NIPA1: variants seen among roughly 807,000 people sequenced by gnomAD.
The protein encoded by NIPA1 is NIPA magnesium transporter 1, also known as magnesium transporter NIPA1.
NIPA1 carries 13 observed loss-of-function variants against 23.9 expected under a neutral mutation model. The observed-to-expected ratio is 0.54, with a 90% CI of 0.35 to 0.87. The LOEUF (loss-of-function observed/expected upper bound fraction) is 0.87, where lower values mean the gene tolerates loss of function less well. Ranked by LOEUF, NIPA1 falls within the 40% of genes least tolerant of loss-of-function variation. NIPA1 has a pLI of 0.01. For synonymous variants in NIPA1, 234 were observed against 202.9 expected (o/e 1.15, Z -1.30); for missense variants, 362 against 429.7 (o/e 0.84, Z 1.39).
intron 1 of NIPA1, among the ~76,000 whole-genome samples, chr15:22,797,020 G>A (rs373986139): frequency 1.3e-5 from 2 of 151,814 alleles, no homozygotes; most frequent in Admixed American, 1.3e-4. Context: ...ACCTGGAGGT[G>A]GCTGCTATTA....
intron 1 of NIPA1, among the ~76,000 whole-genome samples, chr15:22,789,856 G>T (rs139793252): frequency 2.3e-3 from 351 of 152,132 alleles, no homozygotes; most frequent in Middle Eastern, 6.8e-3. Flanking sequence ...GTGCAGTGGC[G>T]CGATCTTGGC....
At position 22,812,888 on chromosome 15, in the gene NIPA1, A is replaced by G. The variant is rs1445435934; in HGVS notation, c.317+635A>G. ...TGACACCTTGGCAAGTTATTCTGAG[A>G]ACTCATTAAGCAAAATGACTGAGTT... On this transcript the variant is annotated intron_variant, in intron 3 of 4. Transcript: ENST00000337435. Among the ~76,000 whole-genome samples, 6 of 152,250 alleles carry G rather than the reference A, an allele frequency of 3.9e-5. 1 individual carries two copies. The highest frequency in any genetic ancestry group is 3.9e-4 in the Admixed American group (6 of 15,286).
chr15:22,810,745 A>G lies in NIPA1; in HGVS notation c.179-4A>G, dbSNP rs768609874. The G allele has an allele frequency of 1.9e-5, 30 of 1,597,114 alleles. No individual in the cohort carries two copies. The highest frequency in any genetic ancestry group is 1.7e-4 in the Middle Eastern group (1 of 6,044). Reference sequence around the variant, plus strand: ...TCTGACATTTTTTATCTCATTTTTTATAGGTACTTCCTATTTAACAGACAT... The same window carrying G: ...TCTGACATTTTTTATCTCATTTTTTGTAGGTACTTCCTATTTAACAGACAT... On this transcript the variant is annotated splice_region_variant and splice_polypyrimidine_tract_variant and intron_variant, in intron 1 of 4. Transcript: ENST00000337435.
chr15:22,823,812 T>G lies in NIPA1; in HGVS notation c.563T>G (p.Ile188Ser). 6.2e-7 allele frequency: 1 copy of G among 1,614,096 alleles called. No individual in the cohort carries two copies. Among genetic ancestry groups the G allele is most frequent in the Non-Finnish European group, 8.5e-7 (1 of 1,179,982 alleles). ...GCGCCGGCCCATGGGCCCACCAACA[T>G]CATGGTCTACATCAGCATCTGCTCC... ...WIAPAHGPTN[I>S]MVYISICSLL... The change falls in exon 5 of 5, where the codon ATC (isoleucine) becomes AGC (serine). Residue 188 changes from isoleucine to serine, a missense_variant. Around this residue, in one of 2 missense-constraint regions of NIPA1, gnomAD observed 277 missense variants for 372.0 expected, o/e 0.74. Coordinates refer to ENST00000337435, the MANE Select transcript of NIPA1 (RefSeq NM_144599.5).
intron 1 of NIPA1, among the ~76,000 whole-genome samples, chr15:22,806,088 T>C (rs1352961234): frequency 6.6e-6 from 1 of 152,092 alleles, no homozygotes; most frequent in East Asian, 1.9e-4. Flanking sequence ...CACGCCCAGC[T>C]AATTTTTTGT....
chr15:22,802,608 A>T (rs1895108295), intron 1 of NIPA1, among the ~76,000 whole-genome samples: 1 of 152,160 alleles, frequency 6.6e-6, no homozygotes, highest in South Asian at 2.1e-4. Flanking sequence ...TCTTAAAGGT[A>T]CAGTTTGATG....
intron 1 of NIPA1, among the ~76,000 whole-genome samples, chr15:22,808,329 A>G (rs1173083583): frequency 6.6e-6 from 1 of 152,202 alleles, no homozygotes; most frequent in Admixed American, 6.5e-5. Context: ...TCTGCTTCAT[A>G]GGACACCCTG....
chr15:22,798,847 A>AAC (rs1895001087), intron 1 of NIPA1, among the ~76,000 whole-genome samples: 1 of 151,014 alleles, frequency 6.6e-6, no homozygotes, highest in Admixed American at 6.6e-5. Flanking sequence ...AAAAAAAAAA[A>AAC]AAAAAAAAAA....
chr15:22,819,042 C>G (rs1332132907), intron 3 of NIPA1, among the ~76,000 whole-genome samples: 1 of 152,070 alleles, frequency 6.6e-6, no homozygotes, highest in Non-Finnish European at 1.5e-5. Context: ...TATTTAACAT[C>G]TAGTTGTGTA....
intron 3 of NIPA1, chr15:22,813,640 C>T (rs1210840235): frequency 2.2e-6 from 1 of 455,830 alleles, no homozygotes; most frequent in Non-Finnish European, 4.4e-6. Context: ...CAGACAGATG[C>T]CCAAATCCTT....
intron 2 of NIPA1, 69 bp downstream of exon 2, chr15:22,810,865 T>C: frequency 8.2e-7 from 1 of 1,218,506 alleles, no homozygotes; most frequent in South Asian, 1.2e-5. Context: ...TGGGCAGGGC[T>C]GGAGTGGCTG....
At chr15:22,816,621 GC>G (rs1180142316) in intron 3 of NIPA1, among the ~76,000 whole-genome samples, 1 of 150,300 alleles carries the variant, frequency 6.7e-6, no homozygotes, top group African/African-American at 2.4e-5. Context: ...CCTCCGAGGA[GC>G]TTGGATTACA....
At chr15:22,805,556 G>T (rs971237799) in intron 1 of NIPA1, among the ~76,000 whole-genome samples, 1 of 152,092 alleles carries the variant, frequency 6.6e-6, no homozygotes, top group African/African-American at 2.4e-5. Flanking sequence ...GTGTGGTGGC[G>T]CAGCCTGTAA....
At chr15:22,795,400 T>A (rs1329871002) in intron 1 of NIPA1, among the ~76,000 whole-genome samples, 1 of 152,056 alleles carries the variant, frequency 6.6e-6, no homozygotes, top group African/African-American at 2.4e-5. Flanking sequence ...TGCAAGCAGA[T>A]GGTGGCTGGG....
rs864309628 is a variant in NIPA1 at position 22,786,697 on chromosome 15, C to T, written c.41C>T (p.Ala14Val). 34 of 1,124,174 alleles carry T rather than the reference C, an allele frequency of 3.0e-5. No homozygotes were observed. In the East Asian group the frequency reaches 8.7e-4, roughly 29 times the overall value. 69.6% of individuals were successfully genotyped at this position (1,124,174 alleles called of 1,614,324 possible). The change falls in exon 1 of 5, where the codon GCG (alanine) becomes GTG (valine). Residue 14 changes from alanine (A) to valine (V), a missense_variant. This residue lies in a region of NIPA1 where 85 missense variants were observed against 57.7 expected (regional missense o/e 1.47). Coordinates refer to ENST00000337435, the MANE Select transcript of NIPA1 (RefSeq NM_144599.5). ...GCGGCAGCGGCGGCGGCGGCGGCGG[C>T]GGCGGCCGGGGAGGGGGCGCGTAGC... ...AAAAAAAAAA[A>V]AAGEGARSPS...
At chr15:22,804,855 T>A (rs933313738) in intron 1 of NIPA1, among the ~76,000 whole-genome samples, 2 of 152,038 alleles carry the variant, frequency 1.3e-5, no homozygotes, top group African/African-American at 4.8e-5. Context: ...TTTTTTTTTT[T>A]AAGACGGAGT....
intron 3 of NIPA1, 78 bp from the exon 4 acceptor site, chr15:22,820,235 T>G (rs1895509191): frequency 9.6e-7 from 1 of 1,040,098 alleles, no homozygotes; most frequent in Admixed American, 1.8e-5. Flanking sequence ...ATGGTTTTTC[T>G]AGATAAAATA....
At chr15:22,800,709 A>C (rs1463495582) in intron 1 of NIPA1, among the ~76,000 whole-genome samples, 4 of 152,042 alleles carry the variant, frequency 2.6e-5, no homozygotes, top group Non-Finnish European at 5.9e-5. Flanking sequence ...TGGGCATATC[A>C]CAAGGTCAGG....
intron 1 of NIPA1, among the ~76,000 whole-genome samples, chr15:22,803,952 C>T (rs2082628): frequency 0.73 from 110,445 of 150,674 alleles, 41,948 homozygotes; most frequent in African/African-American, 0.93. Context: ...GTGCTGGGAT[C>T]ACAGGCGTGA....
Sources: allele counts gnomAD v4.1 joint callset (sites outside exome capture counted in the v4.1 genomes callset), GRCh38; gene constraint gnomAD v4.1.1; regional missense constraint gnomAD v4.1.1; transcripts MANE v1.5; gene names NCBI Gene and HGNC (gene_info 2026-07-23, HGNC 2026-07-21).